MSANTD3: variants seen among roughly 807,000 people sequenced by gnomAD.
MSANTD3 encodes myb/SANT-like DNA-binding domain-containing protein 3.
In MSANTD3, 11 loss-of-function variants were observed where a neutral mutation model predicts 27.7. The observed-to-expected ratio is 0.40, with a 90% CI of 0.25 to 0.66. The LOEUF (loss-of-function observed/expected upper bound fraction) is 0.66. MSANTD3 is among the 30% of genes least tolerant of loss of function. The probability of loss-of-function intolerance (pLI) is 0.41; values close to 1 mark genes in which losing one functional copy is unlikely to be tolerated. For synonymous variants in MSANTD3, 131 were observed against 127.2 expected (o/e 1.03, Z -0.20); for missense variants, 250 against 336.5 (o/e 0.74, Z 2.01).
intron 1 of MSANTD3, among the ~76,000 whole-genome samples, chr9:100,439,363 C>T (rs944222157): frequency 6.6e-6 from 1 of 152,136 alleles, no homozygotes; most frequent in African/African-American, 2.4e-5. Flanking sequence ...AAGTCACAGC[C>T]TCCCCTGCTT....
At chr9:100,434,816 C>T (rs983498771) in intron 1 of MSANTD3, among the ~76,000 whole-genome samples, 3 of 152,094 alleles carry the variant, frequency 2.0e-5, no homozygotes, top group African/African-American at 4.8e-5. Flanking sequence ...TGCATGTCAG[C>T]GCTCTTTCTA....
chr9:100,435,383 C>T (rs1375008512), intron 1 of MSANTD3, among the ~76,000 whole-genome samples: 2 of 152,128 alleles, frequency 1.3e-5, no homozygotes, highest in Admixed American at 1.3e-4. Context: ...AAAGAACTCC[C>T]CTTTCCACAA....
At position 100,451,030 on chromosome 9, in the gene MSANTD3, T is replaced by G; in HGVS notation, c.*64T>G. 1 of 1,480,056 alleles carries G rather than the reference T, an allele frequency of 6.8e-7. No homozygotes were observed. The highest frequency in any genetic ancestry group is 1.4e-5 in the African/African-American group (1 of 71,058). The allele number at this position is 1,480,056 out of a possible 1,614,324, so 91.7% of individuals were successfully genotyped here. A position where few individuals can be genotyped will look rare whatever the true frequency, so the allele number is the denominator to read the frequency against. On this transcript the variant is annotated 3_prime_UTR_variant, in exon 3 of 3. Transcript: ENST00000395067. ...GCAAAGAATGTCTGGAACATGGACTTGGCGGTCAGTAACCTGTAACAGAGC... is the reference window on the plus strand; with the variant it reads ...GCAAAGAATGTCTGGAACATGGACTGGGCGGTCAGTAACCTGTAACAGAGC...
chr9:100,450,926 C>G lies in MSANTD3; in HGVS notation c.788C>G (p.Pro263Arg), dbSNP rs759643310. 1 of 1,608,102 alleles carries G rather than the reference C, an allele frequency of 6.2e-7. No homozygotes were observed. The stretch of plus-strand genomic sequence containing the variant: ...CTACAAACTTTTACCAAGGAATGGC[C>G]TGTTTCCTCATTTAACCGGCCCTTT... ...RKLQTFTKEW[P>R]VSSFNRPFPN... Residue 263 changes from proline to arginine, a missense_variant, in exon 3 of 3, where the codon CCT (proline) becomes CGT (arginine). Physicochemically the swap from Pro to Arg is moderately radical, Grantham distance 103 (BLOSUM62 -2). Around this residue, in one of 3 missense-constraint regions of MSANTD3, gnomAD observed 235 missense variants for 299.3 expected, o/e 0.79. Coordinates refer to ENST00000395067, the MANE Select transcript of MSANTD3 (RefSeq NM_080655.3).
chr9:100,445,252 A>G (rs370073836), intron 2 of MSANTD3: 15 of 1,458,156 alleles, frequency 1.0e-5, no homozygotes, highest in Non-Finnish European at 1.4e-5. Context: ...AAAATCTGCT[A>G]TAGAGTTATG....
chr9:100,432,763 T>C (rs963208371), intron 1 of MSANTD3, among the ~76,000 whole-genome samples: 6 of 152,226 alleles, frequency 3.9e-5, no homozygotes, highest in Admixed American at 3.9e-4. Flanking sequence ...GATCACTTCA[T>C]TCTGCTGTAA....
At chr9:100,437,216 G>A (rs1587786251) in intron 1 of MSANTD3, among the ~76,000 whole-genome samples, 2 of 152,086 alleles carry the variant, frequency 1.3e-5, no homozygotes, top group South Asian at 2.1e-4. Flanking sequence ...TCGAGAGGAG[G>A]TGATGGAGGG....
Position 100,451,242 on chromosome 9 carries a change from G to T in MSANTD3, c.*276G>T. The T allele has an allele frequency of 3.2e-6, 1 of 316,402 alleles. No individual in the cohort carries two copies. Among genetic ancestry groups the T allele is most frequent in the Non-Finnish European group, 5.8e-6 (1 of 173,716 alleles). The allele number at this position is 316,402 out of a possible 1,614,324, so 19.6% of individuals were successfully genotyped here. On this transcript the variant is annotated 3_prime_UTR_variant, in exon 3 of 3. Coordinates refer to ENST00000395067, the MANE Select transcript of MSANTD3 (RefSeq NM_080655.3). ...GAATTCATACAAGAACCACGTGTGA[G>T]TGTTGTTGTTGTTGTTTTTTTTTTT...
intron 1 of MSANTD3, among the ~76,000 whole-genome samples, chr9:100,439,273 C>T (rs1270484783): frequency 6.6e-6 from 1 of 152,186 alleles, no homozygotes; most frequent in Non-Finnish European, 1.5e-5. Context: ...TTCACAACTA[C>T]AGAAACCCCT....
chr9:100,435,112 T>C (rs1461164820), intron 1 of MSANTD3, among the ~76,000 whole-genome samples: 5 of 152,176 alleles, frequency 3.3e-5, no homozygotes, highest in South Asian at 2.1e-4. Flanking sequence ...TGCAGGACTT[T>C]TGCGCAGAGG....
At chr9:100,430,315 ACT>A (rs1244340675) in intron 1 of MSANTD3, among the ~76,000 whole-genome samples, 1 of 140,094 alleles carries the variant, frequency 7.1e-6, no homozygotes, top group African/African-American at 2.8e-5. Context: ...TGGGAGTGAG[ACT>A]CTGTGTCAAA....
chr9:100,448,168 G>T, intron 2 of MSANTD3: 16 of 951,286 alleles, frequency 1.7e-5, no homozygotes, highest in Non-Finnish European at 2.0e-5. Context: ...TCCAGCCTGG[G>T]TGACAGAATG....
At chr9:100,435,425 C>T (rs1269662986) in intron 1 of MSANTD3, among the ~76,000 whole-genome samples, 2 of 152,200 alleles carry the variant, frequency 1.3e-5, no homozygotes, top group East Asian at 3.8e-4. Flanking sequence ...TGACAAGTTT[C>T]TCTGTCTTTG....
rs369669957 is a variant in MSANTD3 at position 100,437,815 on chromosome 9, A to G, written c.-33-4091A>G. Among the ~76,000 whole-genome samples the G allele has an allele frequency of 7.2e-5, 11 of 152,306 alleles. No individual in the cohort carries two copies. In the East Asian group the frequency reaches 1.3e-3, roughly 19 times the overall value. On this transcript the variant is annotated intron_variant, in intron 1 of 2. Transcript: ENST00000395067. ...TAAATTTATATATACATGCATATGTATATGTATTTTTAACAGAAAACATTG... is the reference window on the plus strand; with the variant it reads ...TAAATTTATATATACATGCATATGTGTATGTATTTTTAACAGAAAACATTG...
intron 2 of MSANTD3, 105 bp downstream of exon 2, chr9:100,442,461 G>T: frequency 6.8e-7 from 1 of 1,468,722 alleles, no homozygotes; most frequent in South Asian, 1.4e-5. Context: ...TGAAACTTTT[G>T]TATCAAATCC....
Position 100,435,281 on chromosome 9 carries a change from A to G in MSANTD3, c.-33-6625A>G, listed in dbSNP as rs1836458415. Among the ~76,000 whole-genome samples the G allele has an allele frequency of 3.3e-5, 5 of 152,254 alleles. No individual in the cohort carries two copies. The South Asian group carries it at 1.0e-3, about 32-fold the overall frequency. ...CCAGTGTCTTGGTTCATTTCACCTC[A>G]CTTTAAGATCAGCAGTCTATTAATG... On this transcript the variant is annotated intron_variant, in intron 1 of 2. Coordinates refer to ENST00000395067, the MANE Select transcript of MSANTD3 (RefSeq NM_080655.3).
Position 100,442,238 on chromosome 9 carries a change from C to T in MSANTD3, c.300C>T (p.Leu100=), listed in dbSNP as rs199578087. The T allele has an allele frequency of 1.0e-4, 169 of 1,614,052 alleles. No homozygotes were observed. The highest frequency in any genetic ancestry group is 1.9e-5 in the Non-Finnish European group (23 of 1,180,048). Residue 100 remains leucine, a synonymous_variant, in exon 2 of 3, where the codon CTC becomes CTT. Transcript: ENST00000395067. Reference sequence around the variant, plus strand: ...AAGTGAAACGGAGCGTCAGCCCTCTCCTGAGTACCCACGTCCTAGGGAAGG... The same window carrying T: ...AAGTGAAACGGAGCGTCAGCCCTCTTCTGAGTACCCACGTCCTAGGGAAGG... ...REKVKRSVSP[L]LSTHVLGKEK... is the part of the protein sequence containing the mutation.
At chr9:100,431,644 A>G (rs1245701452) in intron 1 of MSANTD3, among the ~76,000 whole-genome samples, 1 of 152,132 alleles carries the variant, frequency 6.6e-6, no homozygotes, top group Non-Finnish European at 1.5e-5. Flanking sequence ...CTTACTGTGA[A>G]TCTACTATGT....
chr9:100,427,802 A>G (rs750286485), intron 1 of MSANTD3, among the ~76,000 whole-genome samples: 8 of 152,132 alleles, frequency 5.3e-5, no homozygotes, highest in Non-Finnish European at 1.0e-4. Flanking sequence ...TAAGACCTCC[A>G]GTGCCCCGCC....
Sources: allele counts gnomAD v4.1 joint callset (sites outside exome capture counted in the v4.1 genomes callset), GRCh38; gene constraint gnomAD v4.1.1; regional missense constraint gnomAD v4.1.1; transcripts MANE v1.5; gene names NCBI Gene and HGNC (gene_info 2026-07-23, HGNC 2026-07-21).